Variants in CORO2B observed in about 807,000 individuals in gnomAD.
The protein encoded by CORO2B is coronin 2B.
A neutral mutation model predicts 58.8 loss-of-function variants in CORO2B; 26 were observed. The observed-to-expected ratio is 0.44, with a 90% CI of 0.32 to 0.61. CORO2B has a LOEUF of 0.61. Ranked by LOEUF, CORO2B falls within the 20% of genes least tolerant of loss-of-function variation. The pLI, the probability that CORO2B is intolerant of heterozygous loss-of-function variation, is 0.04. For synonymous variants in CORO2B, 242 were observed against 253.8 expected (o/e 0.95, Z 0.44); for missense variants, 460 against 645.1 (o/e 0.71, Z 3.11).
Position 68,657,856 on chromosome 15 carries a change from C to T in CORO2B, c.216+12496C>T, listed in dbSNP as rs1345685843. Among the ~76,000 whole-genome samples, 5 of 152,192 alleles carry T rather than the reference C, an allele frequency of 3.3e-5. No individual in the cohort carries two copies. In the East Asian group the frequency reaches 9.6e-4, roughly 29 times the overall value. On this transcript the variant is annotated intron_variant, in intron 2 of 11. Transcript: ENST00000261861. ...GTCTCCTACCCAGACTCACAAACCT[C>T]CTAACAGGGTCTGTGGCCCCACTCA...
At chr15:68,638,232 C>T (rs1010370118) in intron 1 of CORO2B, among the ~76,000 whole-genome samples, 1 of 151,914 alleles carries the variant, frequency 6.6e-6, no homozygotes, top group African/African-American at 2.4e-5. Flanking sequence ...TGTCCTCCTC[C>T]TCCTGGCAAA....
At chr15:68,701,348 G>T (rs1892639778) in intron 3 of CORO2B, among the ~76,000 whole-genome samples, 1 of 151,596 alleles carries the variant, frequency 6.6e-6, no homozygotes, top group Non-Finnish European at 1.5e-5. Context: ...GGCTCGCTCT[G>T]TCGCCCAGTC....
At chr15:68,534,321 TA>T in the CORO2B span, among the ~76,000 whole-genome samples, 1 of 151,940 alleles carries the variant, frequency 6.6e-6, no homozygotes. Flanking sequence ...CACACTTGCA[TA>T]CACACATGCA....
chr15:68,619,675 GTGTGTATATATATA>G (rs908814031), intron 1 of CORO2B, among the ~76,000 whole-genome samples: 2 of 152,204 alleles, frequency 1.3e-5, no homozygotes, highest in African/African-American at 4.8e-5. Context: ...ATGTGTGTGT[GTGTGTATATATATA>G]TGTACACATA....
chr15:68,715,341 T>C (rs765996187), intron 8 of CORO2B, 30 bp downstream of exon 8: 1 of 1,516,688 alleles, frequency 6.6e-7, no homozygotes, highest in Non-Finnish European at 9.2e-7. Flanking sequence ...CCACAGCTGG[T>C]GTGCTCATGG....
intron 1 of CORO2B, among the ~76,000 whole-genome samples, chr15:68,619,213 G>T (rs189790251): frequency 6.8e-4 from 104 of 152,292 alleles, no homozygotes; most frequent in African/African-American, 1.7e-3. Context: ...TACTCTTCCA[G>T]GGAGCATTCA....
chr15:68,545,803 A>G, the CORO2B span, among the ~76,000 whole-genome samples: 8 of 152,154 alleles, frequency 5.3e-5, no homozygotes, highest in Admixed American at 4.6e-4. Flanking sequence ...TACCCCGGGG[A>G]TGGCAGGAGC....
the CORO2B span, among the ~76,000 whole-genome samples, chr15:68,545,606 G>A: frequency 4.8e-5 from 5 of 104,428 alleles, 1 homozygote; most frequent in South Asian, 6.6e-4. Context: ...ACAGGAATGC[G>A]GGGGGCGGGG....
intron 2 of CORO2B, among the ~76,000 whole-genome samples, chr15:68,684,894 A>G (rs565051262): frequency 6.6e-6 from 1 of 152,312 alleles, no homozygotes; most frequent in South Asian, 2.1e-4. Context: ...CTGTTTTATA[A>G]TGACTCTCTC....
intron 2 of CORO2B, among the ~76,000 whole-genome samples, chr15:68,676,457 G>C (rs899225160): frequency 6.6e-6 from 1 of 152,200 alleles, no homozygotes; most frequent in Non-Finnish European, 1.5e-5. Flanking sequence ...CAGAGGGTAA[G>C]GGGTCTGCAA....
chr15:68,637,428 G>A (rs1048175092), intron 1 of CORO2B, among the ~76,000 whole-genome samples: 1 of 152,238 alleles, frequency 6.6e-6, no homozygotes, highest in Non-Finnish European at 1.5e-5. Flanking sequence ...GACCCAGAAT[G>A]CTTTGGATGA....
At chr15:68,593,407 T>C (rs1442668091) in intron 1 of CORO2B, among the ~76,000 whole-genome samples, 1 of 152,206 alleles carries the variant, frequency 6.6e-6, no homozygotes, top group Non-Finnish European at 1.5e-5. Flanking sequence ...TCAGAATCTC[T>C]GAGAGGTGGG....
chr15:68,641,755 G>A (rs998275398), intron 1 of CORO2B, among the ~76,000 whole-genome samples: 15 of 152,116 alleles, frequency 9.9e-5, no homozygotes, highest in Admixed American at 6.5e-4. Flanking sequence ...GACAGAGTTC[G>A]GCACTGTCGC....
At chr15:68,606,755 G>A (rs767555301) in intron 1 of CORO2B, among the ~76,000 whole-genome samples, 22 of 151,970 alleles carry the variant, frequency 1.4e-4, no homozygotes, top group African/African-American at 4.1e-4. Context: ...AACTGAACAC[G>A]GAGTTATGTT....
intron 1 of CORO2B, among the ~76,000 whole-genome samples, chr15:68,618,171 A>T (rs2140249860): frequency 6.6e-6 from 1 of 152,238 alleles, no homozygotes; most frequent in African/African-American, 2.4e-5. Context: ...ATATATACAA[A>T]ACAAAACCAA....
At chr15:68,613,703 G>A (rs765375658) in intron 1 of CORO2B, among the ~76,000 whole-genome samples, 1 of 152,152 alleles carries the variant, frequency 6.6e-6, no homozygotes. Context: ...TTAGCACATC[G>A]CTAAGAGTTT....
Position 68,719,232 on chromosome 15 carries a change from G to A in CORO2B, c.1169G>A (p.Arg390Gln), listed in dbSNP as rs1168463453. Residue 390 changes from arginine to glutamine, a missense_variant and splice_region_variant, in exon 10 of 12, where the codon CGA becomes CAA. Transcript: ENST00000261861. ...TPDEWLGGIN[R>Q]DPVLMSLKEG... ...GATGAATGGCTGGGAGGCATCAACC[G>A]AGGTACCACAGCGGGGGGCTCCACA... The A allele has an allele frequency of 5.6e-6, 9 of 1,613,838 alleles. No homozygotes were observed. Among genetic ancestry groups the A allele is most frequent in the East Asian group, 2.2e-5 (1 of 44,880 alleles).
intron 1 of CORO2B, among the ~76,000 whole-genome samples, chr15:68,579,762 C>G (rs1399860993): frequency 6.6e-6 from 1 of 152,220 alleles, no homozygotes; most frequent in African/African-American, 2.4e-5. Flanking sequence ...TGGCTCCACT[C>G]CAAAGCCACT....
intron 2 of CORO2B, among the ~76,000 whole-genome samples, chr15:68,686,711 C>T (rs910640053): frequency 3.9e-5 from 6 of 151,970 alleles, no homozygotes; most frequent in African/African-American, 1.2e-4. Flanking sequence ...CCAGCCTGAT[C>T]GACATGGTGA....
Sources: allele counts gnomAD v4.1 joint callset (sites outside exome capture counted in the v4.1 genomes callset), GRCh38; gene constraint gnomAD v4.1.1; transcripts MANE v1.5; gene names NCBI Gene and HGNC (gene_info 2026-07-23, HGNC 2026-07-21).